The following NMNAT2 variants were observed in gnomAD, a reference collection of about 807,000 sequenced individuals.
NMNAT2 encodes the protein nicotinamide/nicotinic acid mononucleotide adenylyltransferase 2.
In NMNAT2, 11 loss-of-function variants were observed where a neutral mutation model predicts 41.6. The observed-to-expected ratio is 0.26, with a 90% confidence interval of 0.17 to 0.44. NMNAT2 has a LOEUF of 0.44. Among genes scored for constraint, NMNAT2 ranks in the 20% least tolerant of loss-of-function variants. NMNAT2 has a pLI of 1.00. For missense variants in NMNAT2, 288 were observed against 407.7 expected, an observed-to-expected ratio of 0.71 and a Z score of 2.53; for synonymous variants, 148 against 151.2, an observed-to-expected ratio of 0.98 and a Z score of 0.16.
At chr1:183,338,967 C>T (rs1239849960) in intron 1 of NMNAT2, among the ~76,000 whole-genome samples, 2 of 152,154 alleles carry the variant, frequency 1.3e-5, no homozygotes, top group Non-Finnish European at 2.9e-5. Flanking sequence ...GCATCAGAGC[C>T]AAGTGCCTCT....
intron 1 of NMNAT2, among the ~76,000 whole-genome samples, chr1:183,398,011 A>C (rs1217718464): frequency 6.6e-6 from 1 of 152,252 alleles, no homozygotes; most frequent in Non-Finnish European, 1.5e-5. Context: ...ACTAACAAGC[A>C]AAATAACCAG....
At chr1:183,326,963 A>G (rs1662478539) in intron 1 of NMNAT2, among the ~76,000 whole-genome samples, 1 of 152,286 alleles carries the variant, frequency 6.6e-6, no homozygotes, top group Admixed American at 6.5e-5. Flanking sequence ...CACACAACAG[A>G]GAGGGAAAGA....
At chr1:183,270,632 G>C (rs1334995480) in intron 8 of NMNAT2, among the ~76,000 whole-genome samples, 2 of 152,108 alleles carry the variant, frequency 1.3e-5, no homozygotes, top group African/African-American at 4.8e-5. Context: ...GGAAGGCAGG[G>C]GATTCCAGAC....
At chr1:183,306,333 G>A (rs899157904) in intron 1 of NMNAT2, among the ~76,000 whole-genome samples, 1 of 152,110 alleles carries the variant, frequency 6.6e-6, no homozygotes, top group African/African-American at 2.4e-5. Context: ...CAAAAGAATG[G>A]ATTTTTCCAG....
At chr1:183,322,783 C>A (rs1383832769) in intron 1 of NMNAT2, among the ~76,000 whole-genome samples, 1 of 152,118 alleles carries the variant, frequency 6.6e-6, no homozygotes, top group Admixed American at 6.5e-5. Flanking sequence ...AGGTGCAGTC[C>A]CATGATTTAA....
intron 1 of NMNAT2, among the ~76,000 whole-genome samples, chr1:183,298,511 AG>A (rs1661762860): frequency 6.6e-6 from 1 of 152,266 alleles, no homozygotes; most frequent in Non-Finnish European, 1.5e-5. Flanking sequence ...AAAAACTACA[AG>A]ATGCTGATGA....
At chr1:183,344,927 A>C (rs1419094177) in intron 1 of NMNAT2, among the ~76,000 whole-genome samples, 3 of 152,142 alleles carry the variant, frequency 2.0e-5, no homozygotes, top group Non-Finnish European at 4.4e-5. Flanking sequence ...CCGGGGGCCA[A>C]TTCCCCAGCT....
At chr1:183,403,822 G>T (rs1648883311) in intron 1 of NMNAT2, among the ~76,000 whole-genome samples, 1 of 152,142 alleles carries the variant, frequency 6.6e-6, no homozygotes, top group Non-Finnish European at 1.5e-5. Context: ...CATAAGAGAA[G>T]GATTAGGGAA....
chr1:183,403,185 T>C (rs1158698905), intron 1 of NMNAT2, among the ~76,000 whole-genome samples: 1 of 152,034 alleles, frequency 6.6e-6, no homozygotes, highest in East Asian at 1.9e-4. Context: ...CCACCTGCCT[T>C]GGCCTCCCAA....
intron 7 of NMNAT2, among the ~76,000 whole-genome samples, chr1:183,281,732 A>G (rs1216275975): frequency 1.3e-5 from 2 of 152,236 alleles, no homozygotes; most frequent in Non-Finnish European, 2.9e-5. Context: ...GGTCTAGGGC[A>G]GCCCTGGAGG....
At chr1:183,371,311 T>G (rs1557892263) in intron 1 of NMNAT2, among the ~76,000 whole-genome samples, 1 of 152,120 alleles carries the variant, frequency 6.6e-6, no homozygotes, top group East Asian at 1.9e-4. Context: ...TGCCAGAAGT[T>G]GAGGGGAGGG....
At position 183,357,475 on chromosome 1, in the gene NMNAT2, C is replaced by T. The variant is rs762178480; in HGVS notation, c.85+60708G>A. Among the ~76,000 whole-genome samples, 60 of 151,834 alleles carry T rather than the reference C, an allele frequency of 4.0e-4. 1 individual carries two copies. Among genetic ancestry groups the T allele is most frequent in the African/African-American group, 1.1e-3 (44 of 41,384 alleles). On this transcript the variant is annotated intron_variant, in intron 1 of 10. Transcript: ENST00000287713. ...CTATCTCCTGACCTCATGATCCACC[C>T]GCCTTGGCCTCCCAAAGTGCTGGGA...
chr1:183,295,931 C>T (rs1361335508), intron 1 of NMNAT2, among the ~76,000 whole-genome samples: 1 of 152,184 alleles, frequency 6.6e-6, no homozygotes, highest in African/African-American at 2.4e-5. Context: ...TCACTGCAAC[C>T]TCCGCCTCCC....
intron 1 of NMNAT2, among the ~76,000 whole-genome samples, chr1:183,320,360 T>TGGGA (rs1468594980): frequency 6.6e-6 from 1 of 152,158 alleles, no homozygotes; most frequent in Non-Finnish European, 1.5e-5. Flanking sequence ...CCCAGCACTT[T>TGGGA]GGGAGGCCAA....
intron 8 of NMNAT2, among the ~76,000 whole-genome samples, chr1:183,262,028 C>A (rs1347755975): frequency 6.6e-6 from 1 of 152,042 alleles, no homozygotes. Flanking sequence ...TGGTCTCAAG[C>A]AATCTTCCCA....
At chr1:183,318,373 G>A (rs1008562813) in intron 1 of NMNAT2, among the ~76,000 whole-genome samples, 1 of 152,234 alleles carries the variant, frequency 6.6e-6, no homozygotes, top group Non-Finnish European at 1.5e-5. Flanking sequence ...TTTGGGATGG[G>A]AGGAGAGGGA....
Position 183,392,065 on chromosome 1 carries a change from C to T in NMNAT2, c.85+26118G>A, listed in dbSNP as rs1648498435. Reference sequence around the variant, plus strand: ...CCAACTCTATGCTGATGCCTCCTGACTTTATTTACTATTTATATATTTTTA... The same window carrying T: ...CCAACTCTATGCTGATGCCTCCTGATTTTATTTACTATTTATATATTTTTA... On this transcript the variant is annotated intron_variant, in intron 1 of 10. Transcript: ENST00000287713. Among the ~76,000 whole-genome samples, 3 of 152,294 alleles carry T rather than the reference C, an allele frequency of 2.0e-5. No homozygotes were observed. In the South Asian group the frequency reaches 6.2e-4, roughly 32 times the overall value.
intron 1 of NMNAT2, among the ~76,000 whole-genome samples, chr1:183,325,034 C>T (rs1463925821): frequency 6.6e-6 from 1 of 152,120 alleles, no homozygotes; most frequent in East Asian, 1.9e-4. Context: ...CAAAGCAGAC[C>T]CCGAGGAACC....
At chr1:183,259,172 C>A (rs560761495) in intron 10 of NMNAT2, among the ~76,000 whole-genome samples, 3 of 152,256 alleles carry the variant, frequency 2.0e-5, no homozygotes, top group African/African-American at 4.8e-5. Flanking sequence ...GCCCACCCCC[C>A]ATATATTCTG....
Sources: gnomAD v4.1 joint callset for allele counts (sites outside exome capture counted in the v4.1 genomes callset) on GRCh38, gnomAD v4.1.1 for gene constraint, MANE v1.5 for transcripts, NCBI Gene and HGNC (gene_info 2026-07-23, HGNC 2026-07-21) for gene names.